The following GRID1 variants were observed in gnomAD, a reference collection of about 807,000 sequenced individuals.
The protein encoded by GRID1 is glutamate receptor ionotropic, delta-1.
GRID1 carries 28 observed loss-of-function variants against 98.0 expected under a neutral mutation model. The observed-to-expected ratio is 0.29, with a 90% CI of 0.21 to 0.39. The LOEUF (loss-of-function observed/expected upper bound fraction) is 0.39, where lower values mean the gene tolerates loss of function less well. Ranked by LOEUF, GRID1 falls within the 10% of genes least tolerant of loss-of-function variation. The pLI is 1.00. For missense variants in GRID1, 1,111 were observed against 1,340.5 expected (o/e 0.83, Z 2.67); for synonymous variants, 553 against 538.5 (o/e 1.03, Z -0.37).
At chr10:86,053,827 C>A (rs1033330701) in intron 4 of GRID1, among the ~76,000 whole-genome samples, 1 of 152,232 alleles carries the variant, frequency 6.6e-6, no homozygotes, top group Non-Finnish European at 1.5e-5. Context: ...CACACTTACA[C>A]ATGCATGGGC....
intron 4 of GRID1, among the ~76,000 whole-genome samples, chr10:86,104,492 T>G (rs1311323427): frequency 6.6e-6 from 1 of 152,166 alleles, no homozygotes. Flanking sequence ...CCCAGACAGG[T>G]GCATGCCCAC....
At chr10:86,275,968 G>A (rs1235217754) in intron 2 of GRID1, among the ~76,000 whole-genome samples, 2 of 152,186 alleles carry the variant, frequency 1.3e-5, no homozygotes, top group African/African-American at 4.8e-5. Flanking sequence ...CCCATACAGA[G>A]ATCCTTTATA....
intron 9 of GRID1, 126 bp from the exon 10 acceptor site, chr10:85,728,178 T>C (rs1221358363): frequency 2.8e-6 from 2 of 726,212 alleles, no homozygotes; most frequent in Non-Finnish European, 4.8e-6. Context: ...GACTTCAGGC[T>C]CAACTTCTCT....
rs376948319 is a variant in GRID1 at position 86,075,338 on chromosome 10, C to A, written c.726+63481G>T. On this transcript the variant is annotated intron_variant, in intron 4 of 15. Transcript: ENST00000327946. ...GCATCCTCATAAGAAGGAGAAATTGCGAGACAGACACAGGGAGAAGGCCAT... is the reference window on the plus strand; with the variant it reads ...GCATCCTCATAAGAAGGAGAAATTGAGAGACAGACACAGGGAGAAGGCCAT... Among the ~76,000 whole-genome samples, 205 of 146,802 alleles carry A rather than the reference C, an allele frequency of 1.4e-3. 2 individuals are homozygous for A. The East Asian group carries it at 0.021, about 15-fold the overall frequency.
intron 2 of GRID1, among the ~76,000 whole-genome samples, chr10:86,259,046 A>C (rs1203703334): frequency 6.6e-6 from 1 of 152,270 alleles, no homozygotes; most frequent in Non-Finnish European, 1.5e-5. Context: ...TCAAAGAAAA[A>C]GAGAGAACCT....
chr10:85,679,279 C>G (rs1260259652), intron 12 of GRID1, among the ~76,000 whole-genome samples: 1 of 152,208 alleles, frequency 6.6e-6, no homozygotes, highest in Non-Finnish European at 1.5e-5. Context: ...CTCTCATCTT[C>G]CTCTGCCATA....
At chr10:85,744,051 G>T (rs1484758218) in intron 8 of GRID1, among the ~76,000 whole-genome samples, 1 of 152,108 alleles carries the variant, frequency 6.6e-6, no homozygotes, top group Non-Finnish European at 1.5e-5. Flanking sequence ...AAATAAGAGA[G>T]GTTCTCAATG....
chr10:86,199,045 A>G (rs1234443504), intron 3 of GRID1, among the ~76,000 whole-genome samples: 1 of 152,080 alleles, frequency 6.6e-6, no homozygotes, highest in Non-Finnish European at 1.5e-5. Flanking sequence ...TTTTTTATTT[A>G]CTCATTTATT....
intron 8 of GRID1, among the ~76,000 whole-genome samples, chr10:85,830,846 G>T (rs768381373): frequency 3.9e-5 from 6 of 152,232 alleles, no homozygotes; most frequent in Non-Finnish European, 8.8e-5. Flanking sequence ...AAAAACAAAT[G>T]CTTCTACACT....
chr10:85,857,239 G>A (rs745639527), intron 6 of GRID1, among the ~76,000 whole-genome samples: 5 of 152,308 alleles, frequency 3.3e-5, no homozygotes, highest in Admixed American at 6.5e-5. Context: ...CAGTGGTAGA[G>A]GAGACACATC....
intron 12 of GRID1, among the ~76,000 whole-genome samples, chr10:85,661,664 G>A (rs1840966895): frequency 6.6e-6 from 1 of 152,204 alleles, no homozygotes; most frequent in Non-Finnish European, 1.5e-5. Flanking sequence ...GTGGGGCAAA[G>A]CAAAACAACC....
chr10:85,678,113 C>A (rs1397566111), intron 12 of GRID1, among the ~76,000 whole-genome samples: 1 of 152,100 alleles, frequency 6.6e-6, no homozygotes, highest in Non-Finnish European at 1.5e-5. Context: ...TCTAAGTTGG[C>A]CAAAGCTAAG....
chr10:86,264,453 G>A (rs1009238287), intron 2 of GRID1, among the ~76,000 whole-genome samples: 4 of 152,188 alleles, frequency 2.6e-5, no homozygotes, highest in African/African-American at 9.7e-5. Context: ...TCCCTTGGAT[G>A]TGGGCCCCCC....
chr10:85,660,196 G>T (rs941991743), intron 12 of GRID1, among the ~76,000 whole-genome samples: 5 of 152,234 alleles, frequency 3.3e-5, no homozygotes, highest in Non-Finnish European at 5.9e-5. Context: ...TGCCTGGGGG[G>T]CATCAATGGG....
chr10:85,910,601 C>T (rs575199208), intron 5 of GRID1, among the ~76,000 whole-genome samples: 135 of 152,264 alleles, frequency 8.9e-4, no homozygotes, highest in African/African-American at 3.0e-3. Flanking sequence ...AGGAGAGCAT[C>T]TAGGCAGAAG....
chr10:85,603,877 T>C (rs1162965352), intron 15 of GRID1, among the ~76,000 whole-genome samples: 1 of 152,058 alleles, frequency 6.6e-6, no homozygotes, highest in Admixed American at 6.5e-5. Flanking sequence ...AAGGAACCCA[T>C]CCCCTGTCCA....
chr10:85,820,053 G>A (rs1842752291), intron 8 of GRID1, among the ~76,000 whole-genome samples: 1 of 115,464 alleles, frequency 8.7e-6, no homozygotes, highest in Non-Finnish European at 1.8e-5. Context: ...CAGGCAGGCA[G>A]GCAGGCAGGC....
At chr10:86,220,131 C>T (rs1429763095) in intron 2 of GRID1, among the ~76,000 whole-genome samples, 2 of 152,246 alleles carry the variant, frequency 1.3e-5, no homozygotes, top group African/African-American at 4.8e-5. Context: ...TCCTCCTCCT[C>T]GGGAAGTGTT....
chr10:86,279,074 T>C (rs1847316478), intron 2 of GRID1, among the ~76,000 whole-genome samples: 1 of 152,214 alleles, frequency 6.6e-6, no homozygotes, highest in South Asian at 2.1e-4. Context: ...GTGGGATCTT[T>C]GGAAGGAAAT....
Sources: gnomAD v4.1 joint callset for allele counts (sites outside exome capture counted in the v4.1 genomes callset) on GRCh38, gnomAD v4.1.1 for gene constraint, MANE v1.5 for transcripts, NCBI Gene and HGNC (gene_info 2026-07-23, HGNC 2026-07-21) for gene names.